RAG1: variants seen among roughly 807,000 people sequenced by gnomAD.
RAG1 encodes V(D)J recombination-activating protein 1.
RAG1 carries 35 observed loss-of-function variants against 62.7 expected under a neutral mutation model. The observed-to-expected ratio is 0.56, with a 90% CI of 0.43 to 0.74. RAG1 has a LOEUF of 0.74. RAG1 is among the 30% of genes least tolerant of loss of function. The pLI, the probability that RAG1 is intolerant of heterozygous loss-of-function variation, is 0.00. For missense variants in RAG1, 1,169 were observed against 1,278.6 expected, an observed-to-expected ratio of 0.91 and a Z score of 1.31; for synonymous variants, 461 against 470.3, an observed-to-expected ratio of 0.98 and a Z score of 0.26.
rs1850813483 is a variant in RAG1, at chr11:36,574,788, C to T, written c.1484C>T (p.Thr495Ile). The T allele has an allele frequency of 1.2e-5, 20 of 1,614,252 alleles. No homozygotes were observed. The highest frequency in any genetic ancestry group is 1.6e-5 in the Non-Finnish European group (19 of 1,180,048). The change falls in exon 2 of 2, where the codon ACA (threonine) becomes ATA (isoleucine). Residue 495 changes from threonine (T) to isoleucine (I), a missense_variant. By Grantham distance (89) the Thr-to-Ile change is moderately conservative. This residue lies in a region of RAG1 where 800 missense variants were observed against 943.3 expected (regional missense o/e 0.85). Coordinates refer to ENST00000299440, the MANE Select transcript of RAG1 (RefSeq NM_000448.3). Reference protein sequence around the residue: ...HKMYRTVKAITGRQIFQPLHA... With the variant: ...HKMYRTVKAIIGRQIFQPLHA... ...ATGTACAGGACTGTGAAAGCCATCA[C>T]AGGGAGACAGATTTTTCAGCCTTTG...
intron 1 of RAG1, among the ~76,000 whole-genome samples, chr11:36,516,934 T>C (rs914915772): frequency 2.0e-5 from 3 of 152,214 alleles, no homozygotes; most frequent in African/African-American, 7.2e-5. Flanking sequence ...GGTTTATCTG[T>C]ATTTTGAAAC....
chr11:36,528,430 G>T (rs190055756), intron 2 of RAG1, among the ~76,000 whole-genome samples: 27 of 152,220 alleles, frequency 1.8e-4, no homozygotes, highest in African/African-American at 6.5e-4. Context: ...AGATAAAGAT[G>T]TTCTTTGAAA....
In RAG1 at chr11:36,558,975, T is replaced by A. The variant is rs1026660001; in HGVS notation, c.-411-4410T>A. Among the ~76,000 whole-genome samples, 4 of 152,222 alleles carry A rather than the reference T, an allele frequency of 2.6e-5. No individual in the cohort carries two copies. In the East Asian group the frequency reaches 7.7e-4, roughly 29 times the overall value. ...TTGTTTGTTCTCCTGATGGTAGTTA[T>A]TGCCCTTTGGCTTTCAGATATAGGG... On this transcript the variant is annotated intron_variant and NMD_transcript_variant, in intron 3 of 9. Transcript: ENST00000534663.
At chr11:36,522,019 A>G (rs892855620) in intron 2 of RAG1, among the ~76,000 whole-genome samples, 1 of 152,144 alleles carries the variant, frequency 6.6e-6, no homozygotes, top group African/African-American at 2.4e-5. Flanking sequence ...TTTATAAGGG[A>G]AGCAGAGCAT....
chr11:36,576,175 G>A lies in RAG1; in HGVS notation c.2871G>A (p.Gly957=). The change falls in exon 2 of 2, where the codon GGG becomes GGA. Residue 957 remains glycine, a synonymous_variant. Transcript: ENST00000299440. ...TTATTGAGAGGGATGGCTCCATTGGGGCATGGGCAAGTGAGGGAAATGAGT... is the reference window on the plus strand; with the variant it reads ...TTATTGAGAGGGATGGCTCCATTGGAGCATGGGCAAGTGAGGGAAATGAGT... ...PEIIERDGSI[G]AWASEGNESG... is the part of the protein sequence containing the mutation. 1 of 1,614,090 alleles carries A rather than the reference G, an allele frequency of 6.2e-7. No individual in the cohort carries two copies. The highest frequency in any genetic ancestry group is 8.5e-7 in the Non-Finnish European group (1 of 1,180,036).
chr11:36,529,046 C>T (rs1860211001), intron 2 of RAG1, among the ~76,000 whole-genome samples: 1 of 152,118 alleles, frequency 6.6e-6, no homozygotes. Context: ...GATTCACAGC[C>T]AAATTCTACC....
intron 2 of RAG1, among the ~76,000 whole-genome samples, chr11:36,529,599 T>G (rs1016787183): frequency 6.6e-6 from 1 of 152,138 alleles, no homozygotes; most frequent in Non-Finnish European, 1.5e-5. Context: ...AAGGATGCCC[T>G]CTCTCGCCAC....
In RAG1 at chr11:36,572,238, C is replaced by T. The variant is rs4151019; in HGVS notation, c.-14-1053C>T. Among the ~76,000 whole-genome samples, 33 of 152,302 alleles carry T rather than the reference C, an allele frequency of 2.2e-4. No individual in the cohort carries two copies. In the East Asian group the frequency reaches 5.2e-3, roughly 24 times the overall value. ...GGATGATGGATTGAAAATACAGCTG[C>T]TCTCTTTCCAATCATGTACTAAGTA... On this transcript the variant is annotated intron_variant, in intron 1 of 1. Transcript: ENST00000299440.
At chr11:36,572,539 A>G (rs935732414) in intron 1 of RAG1, among the ~76,000 whole-genome samples, 1 of 152,228 alleles carries the variant, frequency 6.6e-6, no homozygotes, top group African/African-American at 2.4e-5. Flanking sequence ...TTTTCATCTT[A>G]AAAGTCCCTT....
chr11:36,537,953 A>C (rs534286058), downstream of RAG1, among the ~76,000 whole-genome samples: 1 of 152,114 alleles, frequency 6.6e-6, no homozygotes, highest in African/African-American at 2.4e-5. Context: ...ATTACGTTGT[A>C]AAATTGTCTT....
chr11:36,573,466 G>A lies in RAG1; in HGVS notation c.162G>A (p.Glu54=), dbSNP rs1850779315. ...EAQKEKKDSF[E]GKPSLEQSPA... ...AAAAGGAAAAGAAGGATTCCTTTGA[G>A]GGGAAACCCTCTCTGGAGCAATCTC... The change falls in exon 2 of 2, where the codon GAG becomes GAA. Residue 54 remains glutamate, a synonymous_variant. Transcript: ENST00000299440. 1 of 1,614,046 alleles carries A rather than the reference G, an allele frequency of 6.2e-7. No homozygotes were observed. The highest frequency in any genetic ancestry group is 1.7e-5 in the Admixed American group (1 of 60,010).
At chr11:36,566,228 A>G (rs1311135114), upstream of RAG1, among the ~76,000 whole-genome samples, 1 of 151,748 alleles carries the variant, frequency 6.6e-6, no homozygotes, top group Non-Finnish European at 1.5e-5. Context: ...CCTCAGAGAA[A>G]TTTTCTAACT....
intron 2 of RAG1, among the ~76,000 whole-genome samples, chr11:36,524,027 T>C (rs1860121242): frequency 6.6e-6 from 1 of 152,226 alleles, no homozygotes; most frequent in African/African-American, 2.4e-5. Flanking sequence ...TTCTATACTT[T>C]TATCATTTCA....
In RAG1 at chr11:36,573,619, C is replaced by T. The variant is rs1424555128; in HGVS notation, c.315C>T (p.Ala105=). Residue 105 remains alanine (A), a synonymous_variant, in exon 2 of 2, where the codon GCC becomes GCT. Coordinates refer to ENST00000299440, the MANE Select transcript of RAG1 (RefSeq NM_000448.3). ...EKARGKAIHQ[A]NLRHLCRICG... ...CAAGAGGCAAAGCGATCCATCAAGC[C>T]AACCTTCGACATCTCTGCCGCATCT... 1.2e-6 allele frequency: 2 copies of T among 1,614,154 alleles called. No homozygotes were observed. Among genetic ancestry groups the T allele is most frequent in the East Asian group, 2.2e-5 (1 of 44,884 alleles).
intron 1 of RAG1, among the ~76,000 whole-genome samples, chr11:36,513,137 C>T (rs371409366): frequency 6.6e-6 from 1 of 152,174 alleles, no homozygotes; most frequent in Admixed American, 6.5e-5. Context: ...TCTCTCTTGC[C>T]TTCACTTTGC....
chr11:36,563,174 A>G (rs985898307), upstream of RAG1, among the ~76,000 whole-genome samples: 1 of 152,220 alleles, frequency 6.6e-6, no homozygotes, highest in South Asian at 2.1e-4. Context: ...AGGGATACCC[A>G]TATAGCTACT....
At chr11:36,525,819 G>T (rs1860153491) in intron 2 of RAG1, among the ~76,000 whole-genome samples, 1 of 151,948 alleles carries the variant, frequency 6.6e-6, no homozygotes, top group South Asian at 2.1e-4. Context: ...CTATGAGATT[G>T]TCTATATAGA....
rs199474687 is a variant in RAG1 at position 36,575,562 on chromosome 11, A to T, written c.2258A>T (p.His753Leu). The part of the protein sequence containing the change: ...NLVFHSITRS[H>L]AENLERYEVW... ...GTCTTCCACTCTATAACCAGAAGCCATGCTGAGAACCTGGAACGTTATGAG... is the reference window on the plus strand; with the variant it reads ...GTCTTCCACTCTATAACCAGAAGCCTTGCTGAGAACCTGGAACGTTATGAG... The change falls in exon 2 of 2, where the codon CAT becomes CTT. Residue 753 changes from histidine to leucine, a missense_variant. Physicochemically the swap from His to Leu is moderately conservative, Grantham distance 99. Around this residue, in one of 2 missense-constraint regions of RAG1, gnomAD observed 800 missense variants for 943.3 expected, o/e 0.85. Coordinates refer to ENST00000299440, the MANE Select transcript of RAG1 (RefSeq NM_000448.3). The surrounding 1 kb of genome is among the most constrained non-coding windows in gnomAD (Gnocchi z 4.1). 12 of 1,614,096 alleles carry T rather than the reference A, an allele frequency of 7.4e-6. No individual in the cohort carries two copies. The highest frequency in any genetic ancestry group is 2.7e-5 in the African/African-American group (2 of 74,940).
In RAG1 at chr11:36,576,218, A is replaced by G; in HGVS notation, c.2914A>G (p.Arg972Gly). Residue 972 changes from arginine to glycine, a missense_variant, in exon 2 of 2, where the codon AGG becomes GGG. Around this residue, in one of 2 missense-constraint regions of RAG1, gnomAD observed 800 missense variants for 943.3 expected, o/e 0.85. Transcript: ENST00000299440. ...AAATGAGTCTGGTAACAAACTGTTT[A>G]GGCGCTTCCGGAAAATGAATGCCAG... The part of the protein sequence containing the change: ...EGNESGNKLF[R>G]RFRKMNARQS... 6.2e-7 allele frequency: 1 copy of G among 1,614,142 alleles called. No homozygotes were observed.
Sources: gnomAD v4.1 joint callset for allele counts (sites outside exome capture counted in the v4.1 genomes callset) on GRCh38, gnomAD v4.1.1 for gene constraint, gnomAD v4.1.1 regional missense constraint, Gnocchi (gnomAD v3.1) non-coding constraint, MANE v1.5 for transcripts, NCBI Gene and HGNC (gene_info 2026-07-23, HGNC 2026-07-21) for gene names.